The following SLC8A3 variants were observed in gnomAD, a reference collection of about 807,000 sequenced individuals.
SLC8A3 encodes sodium/calcium exchanger 3.
SLC8A3 carries 37 observed loss-of-function variants against 65.4 expected under a neutral mutation model. The ratio of observed to expected loss-of-function variants is 0.57; its 90% CI spans 0.44 to 0.74. SLC8A3 has a LOEUF of 0.74. Among genes scored for constraint, SLC8A3 ranks in the 30% least tolerant of loss-of-function variants. The probability of loss-of-function intolerance (pLI) is 0.00; values close to 1 mark genes in which losing one functional copy is unlikely to be tolerated. For missense variants in SLC8A3, 1,112 were observed against 1,172.1 expected (o/e 0.95, Z 0.75); for synonymous variants, 461 against 444.5 (o/e 1.04, Z -0.47).
intron 2 of SLC8A3, among the ~76,000 whole-genome samples, chr14:70,117,707 C>T (rs1277925684): frequency 6.6e-6 from 1 of 152,158 alleles, no homozygotes; most frequent in Non-Finnish European, 1.5e-5. Flanking sequence ...AGGACTCACC[C>T]TGCACGTGCA....
chr14:70,091,890 G>A (rs1053341860), intron 2 of SLC8A3, among the ~76,000 whole-genome samples: 4 of 152,126 alleles, frequency 2.6e-5, no homozygotes, highest in African/African-American at 9.7e-5. Flanking sequence ...AAGCTCATTA[G>A]TTACTGAGAC....
chr14:70,110,453 T>C (rs920410853), intron 2 of SLC8A3, among the ~76,000 whole-genome samples: 2 of 152,164 alleles, frequency 1.3e-5, no homozygotes, highest in Non-Finnish European at 2.9e-5. Context: ...TTTTTCTTTC[T>C]GTGCCTGGCT....
At chr14:70,090,207 C>T (rs374242006) in intron 2 of SLC8A3, among the ~76,000 whole-genome samples, 2 of 152,160 alleles carry the variant, frequency 1.3e-5, no homozygotes, top group African/African-American at 4.8e-5. Context: ...CATTGGCTGA[C>T]CATTGATTTA....
chr14:70,116,321 C>CTGTG (rs55890014), intron 2 of SLC8A3, among the ~76,000 whole-genome samples: 8,630 of 147,680 alleles, frequency 0.058, 678 homozygotes, highest in African/African-American at 0.18. Flanking sequence ...ATTGAGAACA[C>CTGTG]TGTGTGTGTG....
At chr14:70,127,826 G>T (rs966879872) in intron 2 of SLC8A3, among the ~76,000 whole-genome samples, 2 of 152,142 alleles carry the variant, frequency 1.3e-5, no homozygotes, top group African/African-American at 4.8e-5. Context: ...AATAGCACAG[G>T]CTTAGCCTTT....
At chr14:70,179,400 T>A (rs907392694) in intron 1 of SLC8A3, among the ~76,000 whole-genome samples, 1 of 152,244 alleles carries the variant, frequency 6.6e-6, no homozygotes, top group African/African-American at 2.4e-5. Context: ...GTATTCCCAG[T>A]GCCTTGGCTA....
chr14:70,089,617 A>G (rs1891681042), intron 2 of SLC8A3, among the ~76,000 whole-genome samples: 1 of 152,192 alleles, frequency 6.6e-6, no homozygotes, highest in African/African-American at 2.4e-5. Flanking sequence ...ATATGAGGGA[A>G]CAGAGCCAGG....
intron 3 of SLC8A3, among the ~76,000 whole-genome samples, chr14:70,056,107 G>T (rs1291233732): frequency 6.6e-6 from 1 of 152,144 alleles, no homozygotes; most frequent in East Asian, 1.9e-4. Flanking sequence ...ATGAGGATGG[G>T]GAACCAAATG....
intron 3 of SLC8A3, among the ~76,000 whole-genome samples, chr14:70,060,469 G>A (rs563148548): frequency 1.8e-4 from 27 of 152,296 alleles, no homozygotes; most frequent in African/African-American, 6.5e-4. Context: ...TTACAGTGTA[G>A]GGGTGGGGTG....
chr14:70,135,685 T>TAA (rs58796589), intron 2 of SLC8A3, among the ~76,000 whole-genome samples: 92 of 146,874 alleles, frequency 6.3e-4, no homozygotes, highest in African/African-American at 1.9e-3. Flanking sequence ...ATGAGAGCTA[T>TAA]AAAAAAAAAA....
chr14:70,127,966 T>C (rs1894582563), intron 2 of SLC8A3, among the ~76,000 whole-genome samples: 1 of 152,182 alleles, frequency 6.6e-6, no homozygotes, highest in Non-Finnish European at 1.5e-5. Flanking sequence ...AATTCCAGGA[T>C]AGGATTGCCG....
chr14:70,105,307 C>T (rs59842818), intron 2 of SLC8A3, among the ~76,000 whole-genome samples: 4,419 of 151,746 alleles, frequency 0.029, 207 homozygotes, highest in African/African-American at 0.1. Flanking sequence ...CCAACCTGGG[C>T]GACAAAGCGA....
At chr14:70,118,581 CT>C (rs1223248069) in intron 2 of SLC8A3, among the ~76,000 whole-genome samples, 1 of 152,122 alleles carries the variant, frequency 6.6e-6, no homozygotes, top group African/African-American at 2.4e-5. Flanking sequence ...GAAAGAATGC[CT>C]TTGCTAGTGG....
At chr14:70,144,364 T>C (rs187358780) in intron 2 of SLC8A3, among the ~76,000 whole-genome samples, 331 of 136,052 alleles carry the variant, frequency 2.4e-3, no homozygotes, top group African/African-American at 8.6e-3. Context: ...GGCACAGTGC[T>C]CATGCCTGTA....
At chr14:70,085,325 A>T (rs1891353245) in intron 2 of SLC8A3, among the ~76,000 whole-genome samples, 2 of 152,214 alleles carry the variant, frequency 1.3e-5, no homozygotes, top group African/African-American at 4.8e-5. Flanking sequence ...ATTTACTACT[A>T]AAAAAACACA....
intron 2 of SLC8A3, among the ~76,000 whole-genome samples, chr14:70,109,392 A>C (rs1893119126): frequency 6.7e-6 from 1 of 149,106 alleles, no homozygotes; most frequent in Non-Finnish European, 1.5e-5. Flanking sequence ...ATAATGTGTT[A>C]TTTTTCTTTG....
chr14:70,150,695 C>T (rs534904164), intron 2 of SLC8A3, among the ~76,000 whole-genome samples: 2 of 152,314 alleles, frequency 1.3e-5, no homozygotes, highest in East Asian at 3.9e-4. Context: ...CAGAGGAAAG[C>T]AGGTAACATG....
At chr14:70,052,211 A>C in intron 3 of SLC8A3, 97 bp from the exon 4 acceptor site, 1 of 1,423,246 alleles carries the variant, frequency 7.0e-7, no homozygotes, top group Non-Finnish European at 9.2e-7. Flanking sequence ...GTACAAAGCA[A>C]ATAACTCTTG....
chr14:70,117,083 C>A (rs78604799), intron 2 of SLC8A3, among the ~76,000 whole-genome samples: 7,085 of 152,330 alleles, frequency 0.047, 209 homozygotes, highest in Middle Eastern at 0.075. Context: ...ATTCAGCCTA[C>A]TTCCAGTTCT....
Sources: gnomAD v4.1 joint callset for allele counts (sites outside exome capture counted in the v4.1 genomes callset) on GRCh38, gnomAD v4.1.1 for gene constraint, MANE v1.5 for transcripts, NCBI Gene and HGNC (gene_info 2026-07-23, HGNC 2026-07-21) for gene names.